The following RTN4 variants were observed in gnomAD, a reference collection of about 807,000 sequenced individuals.
RTN4 encodes reticulon-4.
Under a neutral mutation model 90.4 loss-of-function variants are expected in RTN4, and 32 were observed. The ratio of observed to expected loss-of-function variants is 0.35; its 90% CI spans 0.27 to 0.48. The LOEUF is 0.48. Among genes scored for constraint, RTN4 ranks in the 20% least tolerant of loss-of-function variants. RTN4 has a pLI of 0.99. For synonymous variants in RTN4, 629 were observed against 552.5 expected, an observed-to-expected ratio of 1.14 and a Z score of -1.94; for missense variants, 1,706 against 1,430.2, an observed-to-expected ratio of 1.19 and a Z score of -3.11.
chr2:55,048,196 A>G (rs1667876822), intron 1 of RTN4, among the ~76,000 whole-genome samples: 2 of 152,242 alleles, frequency 1.3e-5, no homozygotes, highest in Admixed American at 1.3e-4. Flanking sequence ...ACACGTGTGC[A>G]GGGCACTGGC....
intron 3 of RTN4, among the ~76,000 whole-genome samples, chr2:55,015,825 T>C (rs1680992499): frequency 6.6e-6 from 1 of 152,190 alleles, no homozygotes; most frequent in Admixed American, 6.5e-5. Flanking sequence ...TTTTGTATAA[T>C]GTAAAAATAT....
rs1401630901 is a variant in RTN4, at chr2:54,972,200, T to C, written c.*956A>G. The C allele has an allele frequency of 6.6e-6, 1 of 152,630 alleles. No homozygotes were observed. Among genetic ancestry groups the C allele is most frequent in the African/African-American group, 2.4e-5 (1 of 41,456 alleles). 9.5% of individuals were successfully genotyped at this position (152,630 alleles called of 1,614,324 possible). A position where few individuals can be genotyped will look rare whatever the true frequency, so the allele number is the denominator to read the frequency against. On this transcript the variant is annotated 3_prime_UTR_variant, in exon 9 of 9. Transcript: ENST00000337526. ...AATACCAAAGCATATTTTAAGTCTA[T>C]AAGCTTTATTGATACTTTGCTTTTA...
At position 55,020,010 on chromosome 2, in the gene RTN4, C is replaced by T. The variant is rs139913097; in HGVS notation, c.3013+5076G>A. Among the ~76,000 whole-genome samples, 314 of 151,936 alleles carry T rather than the reference C, an allele frequency of 2.1e-3. 1 individual carries two copies. Among genetic ancestry groups the T allele is most frequent in the African/African-American group, 6.7e-3 (278 of 41,418 alleles). ...TAACCAAGGAGGTGAAAGACTTCTA[C>T]GAGGAAATCTACAAAACAATGATGA... is the stretch of plus-strand genomic sequence containing the variant. On this transcript the variant is annotated intron_variant, in intron 3 of 8. Coordinates refer to ENST00000337526, the MANE Select transcript of RTN4 (RefSeq NM_020532.5).
chr2:55,080,020 G>T (rs1411538029), intron 2 of RTN4, among the ~76,000 whole-genome samples: 1 of 152,122 alleles, frequency 6.6e-6, no homozygotes, highest in Non-Finnish European at 1.5e-5. Flanking sequence ...TATCTGTGAT[G>T]AATCTCTTAT....
At chr2:55,002,730 CTCTT>C (rs1337354187) in intron 3 of RTN4, among the ~76,000 whole-genome samples, 1 of 152,118 alleles carries the variant, frequency 6.6e-6, no homozygotes, top group African/African-American at 2.4e-5. Flanking sequence ...TAAATATCTT[CTCTT>C]TAAGTATGTT....
At chr2:55,133,761 C>T in the RTN4 span, among the ~76,000 whole-genome samples, 15 of 152,164 alleles carry the variant, frequency 9.9e-5, no homozygotes, top group African/African-American at 1.7e-4. Context: ...AGCAGCCACA[C>T]GGCTGATAAA....
chr2:55,109,061 G>T (rs1490254199), intron 1 of RTN4, among the ~76,000 whole-genome samples: 2 of 151,970 alleles, frequency 1.3e-5, no homozygotes, highest in Non-Finnish European at 2.9e-5. Context: ...GTTTTAAATC[G>T]ATACATCGAA....
chr2:54,974,779 CATT>C lies in RTN4; in HGVS notation c.3361-18_3361-16del, dbSNP rs751512461. 3.6e-5 allele frequency: 58 copies of C among 1,605,472 alleles called. No individual in the cohort carries two copies. The highest frequency in any genetic ancestry group is 9.4e-5 in the African/African-American group (7 of 74,800). On this transcript the variant is annotated splice_polypyrimidine_tract_variant and intron_variant, in intron 5 of 8. Coordinates refer to ENST00000337526, the MANE Select transcript of RTN4 (RefSeq NM_020532.5). ...AACACTGCAAACTATAAGAAAATAACATTAGCCCATTATAAACAAAATTCAAGT... is the reference window on the plus strand; with the variant it reads ...AACACTGCAAACTATAAGAAAATAACAGCCCATTATAAACAAAATTCAAGT...
At position 55,049,711 on chromosome 2, in the gene RTN4, G is replaced by GGGGCGCGAA. The variant is rs768798125; in HGVS notation, c.556+33_556+34insTTCGCGCCC. 6 of 1,411,736 alleles carry GGGGCGCGAA rather than the reference G, an allele frequency of 4.3e-6. No homozygotes were observed. The African/African-American group carries it at 9.0e-5, about 21-fold the overall frequency. The allele number at this position is 1,411,736 out of a possible 1,614,324, so 87.5% of individuals were successfully genotyped here. A position where few individuals can be genotyped will look rare whatever the true frequency, so the allele number is the denominator to read the frequency against. On this transcript the variant is annotated intron_variant, in intron 1 of 8. Coordinates refer to ENST00000337526, the MANE Select transcript of RTN4 (RefSeq NM_020532.5). ...GCACACAAAAGAGGGAGGGGCGCGA[G>GGGGCGCGAA]GGGCGGCGCGAAGCGAGAGGTCGCG...
At chr2:55,013,453 T>TA (rs138048532) in intron 3 of RTN4, among the ~76,000 whole-genome samples, 1 of 152,288 alleles carries the variant, frequency 6.6e-6, no homozygotes, top group African/African-American at 2.4e-5. Flanking sequence ...TAAAATTACC[T>TA]ACACGGTTTC....
chr2:55,077,265 G>A (rs980315425), intron 2 of RTN4, among the ~76,000 whole-genome samples: 10 of 151,376 alleles, frequency 6.6e-5, no homozygotes, highest in Admixed American at 2.6e-4. Flanking sequence ...CTCCTGCCTC[G>A]GCCTCCCAAA....
intron 2 of RTN4, among the ~76,000 whole-genome samples, chr2:55,065,853 C>T (rs1353384044): frequency 6.6e-6 from 1 of 152,060 alleles, no homozygotes; most frequent in Non-Finnish European, 1.5e-5. Flanking sequence ...CTTGATAGGG[C>T]CTTGTGGGAT....
the RTN4 span, among the ~76,000 whole-genome samples, chr2:55,129,271 C>T: frequency 6.6e-6 from 1 of 151,920 alleles, no homozygotes; most frequent in African/African-American, 2.4e-5. Context: ...TCATTGTTTT[C>T]TCATCAGATT....
chr2:54,999,318 CT>C (rs1248291286), intron 3 of RTN4, among the ~76,000 whole-genome samples: 1 of 152,158 alleles, frequency 6.6e-6, no homozygotes, highest in African/African-American at 2.4e-5. Context: ...AAACTGTCAT[CT>C]GCCATAGCTA....
chr2:55,133,660 T>A, the RTN4 span, among the ~76,000 whole-genome samples: 1 of 152,284 alleles, frequency 6.6e-6, no homozygotes, highest in South Asian at 2.1e-4. Context: ...GGAAACTTAG[T>A]TAGGGACCCT....
chr2:55,045,510 C>T (rs1053371588), intron 1 of RTN4, among the ~76,000 whole-genome samples: 1 of 152,200 alleles, frequency 6.6e-6, no homozygotes, highest in Non-Finnish European at 1.5e-5. Context: ...TTCCTTCCCA[C>T]CTATCTTGAA....
At chr2:54,978,372 G>C (rs1028268437) in intron 5 of RTN4, among the ~76,000 whole-genome samples, 1 of 147,034 alleles carries the variant, frequency 6.8e-6, no homozygotes, top group African/African-American at 2.5e-5. Context: ...AAAGGTTGCA[G>C]TGAGCCTAAG....
chr2:55,129,601 G>A, the RTN4 span, among the ~76,000 whole-genome samples: 4 of 151,664 alleles, frequency 2.6e-5, no homozygotes, highest in African/African-American at 7.3e-5. Flanking sequence ...ATGGAGTCTC[G>A]CTCAGGCTGG....
At chr2:55,009,986 T>C in intron 3 of RTN4, 1 of 1,362,448 alleles carries the variant, frequency 7.3e-7, no homozygotes, top group Non-Finnish European at 1.0e-6. Flanking sequence ...CTTCAGAGGT[T>C]TCACTTTCAA....
Sources: gnomAD v4.1 joint callset for allele counts (sites outside exome capture counted in the v4.1 genomes callset) on GRCh38, gnomAD v4.1.1 for gene constraint, MANE v1.5 for transcripts, NCBI Gene and HGNC (gene_info 2026-07-23, HGNC 2026-07-21) for gene names.